The following HEATR5A variants were observed in gnomAD, a reference collection of about 807,000 sequenced individuals.
HEATR5A encodes the protein HEAT repeat-containing protein 5A.
HEATR5A carries 178 observed loss-of-function variants against 218.8 expected under a neutral mutation model. The ratio of observed to expected loss-of-function variants is 0.81; its 90% CI spans 0.72 to 0.92. The LOEUF is 0.92. HEATR5A is among the 40% of genes least tolerant of loss of function. HEATR5A has a pLI of 0.00. For missense variants in HEATR5A, 2,420 were observed against 2,418.9 expected, an observed-to-expected ratio of 1.00 and a Z score of -0.01; for synonymous variants, 864 against 871.6, an observed-to-expected ratio of 0.99 and a Z score of 0.15.
At chr14:31,384,053 T>C (rs965787725) in intron 9 of HEATR5A, among the ~76,000 whole-genome samples, 1 of 152,224 alleles carries the variant, frequency 6.6e-6, no homozygotes, top group Non-Finnish European at 1.5e-5. Context: ...AAAAACTTTA[T>C]TTCCTAAATA....
rs750549958 is a variant in HEATR5A, at chr14:31,391,385, C to T, written c.773-2380G>A. 3.1e-4 allele frequency among the ~76,000 whole-genome samples: 47 copies of T among 152,110 alleles called. 1 individual carries two copies. The highest frequency in any genetic ancestry group is 1.4e-3 in the Admixed American group (21 of 15,256). On this transcript the variant is annotated intron_variant, in intron 6 of 35. Coordinates refer to ENST00000543095, the MANE Select transcript of HEATR5A (RefSeq NM_015473.4). Reference sequence around the variant, plus strand: ...AACTCCTGACTTCAAGCAATCCATCCGCCTTGGCCTCCCAAAGTGCTGGGA... The same window carrying T: ...AACTCCTGACTTCAAGCAATCCATCTGCCTTGGCCTCCCAAAGTGCTGGGA...
intron 35 of HEATR5A, 137 bp downstream of exon 35, chr14:31,293,754 C>G: frequency 9.6e-7 from 1 of 1,039,722 alleles, no homozygotes; most frequent in East Asian, 2.6e-5. Context: ...TAAATAATAT[C>G]AATACTTGGG....
chr14:31,320,591 C>G, intron 25 of HEATR5A: 1 of 766,292 alleles, frequency 1.3e-6, no homozygotes, highest in Admixed American at 1.7e-5. Flanking sequence ...GGTACAACAG[C>G]AGATCAGAGC....
intron 34 of HEATR5A, among the ~76,000 whole-genome samples, chr14:31,294,652 C>T (rs1899119999): frequency 1.3e-5 from 2 of 152,146 alleles, no homozygotes; most frequent in African/African-American, 4.8e-5. Context: ...CTCAAGTGAT[C>T]CACCTGCCTT....
chr14:31,341,458 A>G (rs1188953255), intron 21 of HEATR5A, among the ~76,000 whole-genome samples: 1 of 152,104 alleles, frequency 6.6e-6, no homozygotes, highest in Non-Finnish European at 1.5e-5. Context: ...CAGTGGCGCA[A>G]TCATGGCTCA....
intron 19 of HEATR5A, among the ~76,000 whole-genome samples, chr14:31,346,758 T>G (rs570326669): frequency 6.6e-6 from 1 of 152,124 alleles, no homozygotes; most frequent in African/African-American, 2.4e-5. Flanking sequence ...TAGAGAGAGT[T>G]CGAAAGAAAA....
chr14:31,416,437 G>T (rs975687473), intron 1 of HEATR5A, among the ~76,000 whole-genome samples: 6 of 152,012 alleles, frequency 3.9e-5, no homozygotes, highest in African/African-American at 1.4e-4. Flanking sequence ...TTTTAAGATT[G>T]GCAAAAGTAT....
chr14:31,371,671 T>TA (rs996703243), intron 13 of HEATR5A, 139 bp downstream of exon 13: 347 of 427,182 alleles, frequency 8.1e-4, no homozygotes, highest in Middle Eastern at 1.8e-3. Context: ...GATCCTAGCC[T>TA]AAAAAAAAAT....
At chr14:31,365,711 C>T (rs952189661) in intron 13 of HEATR5A, among the ~76,000 whole-genome samples, 2 of 151,580 alleles carry the variant, frequency 1.3e-5, no homozygotes, top group African/African-American at 2.4e-5. Flanking sequence ...GTCGCCCAGG[C>T]TGGATTGTAG....
At chr14:31,405,041 G>C (rs893845057) in intron 1 of HEATR5A, among the ~76,000 whole-genome samples, 1 of 144,522 alleles carries the variant, frequency 6.9e-6, no homozygotes, top group African/African-American at 2.6e-5. Flanking sequence ...CTAGGTAACA[G>C]TGGGACACTG....
chr14:31,355,268 G>C (rs1186540718), intron 16 of HEATR5A, among the ~76,000 whole-genome samples: 1 of 151,984 alleles, frequency 6.6e-6, no homozygotes, highest in East Asian at 1.9e-4. Flanking sequence ...ATAAAAATTA[G>C]CCAGGCATGG....
At chr14:31,323,149 T>C (rs185495736) in intron 24 of HEATR5A, among the ~76,000 whole-genome samples, 1 of 152,312 alleles carries the variant, frequency 6.6e-6, no homozygotes, top group East Asian at 1.9e-4. Context: ...CTTAATGCAT[T>C]GCACCTGCTC....
At chr14:31,308,362 C>A (rs1329958447) in intron 29 of HEATR5A, among the ~76,000 whole-genome samples, 1 of 152,062 alleles carries the variant, frequency 6.6e-6, no homozygotes, top group Non-Finnish European at 1.5e-5. Context: ...ACAAAATTAG[C>A]TGGGCATGGT....
At position 31,400,308 on chromosome 14, in the gene HEATR5A, T is replaced by A. The variant is rs1189114521; in HGVS notation, c.331A>T (p.Thr111Ser). 6.5e-7 allele frequency: 1 copy of A among 1,529,868 alleles called. No homozygotes were observed. The highest frequency in any genetic ancestry group is 8.8e-7 in the Non-Finnish European group (1 of 1,141,712). 94.8% of individuals were successfully genotyped at this position (1,529,868 alleles called of 1,614,324 possible). A position where few individuals can be genotyped will look rare whatever the true frequency, so the allele number is the denominator to read the frequency against. ...SKDDSPSYLPTKLAAVVCLGS... is the reference protein window; with the variant it reads ...SKDDSPSYLPSKLAAVVCLGS... ...TTTTAATGTTTCACTTACAGCTTAG[T>A]GGGAAGATAACTTGGAGAATCATCT... The change falls in exon 3 of 36, where the codon ACT becomes TCT. Residue 111 changes from threonine (T) to serine (S), a missense_variant. By Grantham distance (58) the Thr-to-Ser change is moderately conservative. Transcript: ENST00000543095.
chr14:31,314,762 C>G (rs1899863358), intron 27 of HEATR5A, among the ~76,000 whole-genome samples: 1 of 152,048 alleles, frequency 6.6e-6, no homozygotes. Context: ...TAAATAATGA[C>G]AAAAATAAAG....
chr14:31,326,210 A>T lies in HEATR5A; in HGVS notation c.3500T>A (p.Leu1167His). The T allele has an allele frequency of 6.2e-7, 1 of 1,613,386 alleles. No individual in the cohort carries two copies. The highest frequency in any genetic ancestry group is 1.1e-5 in the South Asian group (1 of 91,076). The change falls in exon 23 of 36, where the codon CTC (leucine) becomes CAC (histidine). Residue 1167 changes from leucine (L) to histidine (H), a missense_variant. Transcript: ENST00000543095. Reference sequence around the variant, plus strand: ...TTTACAAAGCTTTAACCACAGGGAGAGTTTTTCCACTGCCATAGATGTAAG... The same window carrying T: ...TTTACAAAGCTTTAACCACAGGGAGTGTTTTTCCACTGCCATAGATGTAAG... ...YMLTSMAVEKLSLWLKLCKDV... is the reference protein window; with the variant it reads ...YMLTSMAVEKHSLWLKLCKDV...
At chr14:31,320,754 T>C in intron 25 of HEATR5A, 3 of 282,928 alleles carry the variant, frequency 1.1e-5, no homozygotes, top group South Asian at 5.9e-5. Context: ...AACAGGGCCA[T>C]TTTTTTTCCC....
chr14:31,356,001 G>A (rs1901413673), intron 16 of HEATR5A, among the ~76,000 whole-genome samples: 1 of 152,172 alleles, frequency 6.6e-6, no homozygotes, highest in Non-Finnish European at 1.5e-5. Flanking sequence ...TTCGGTTGCT[G>A]TTTAAATTTA....
chr14:31,388,929 C>T lies in HEATR5A; in HGVS notation c.849G>A (p.Gly283=). 1.2e-6 allele frequency: 2 copies of T among 1,613,672 alleles called. No homozygotes were observed. Among genetic ancestry groups the T allele is most frequent in the South Asian group, 2.2e-5 (2 of 91,078 alleles). ...LELLGTGFLR[G]SSGFLRASGD... is the part of the protein sequence containing the mutation. ...CACTGGCTCGAAGGAATCCTGAACT[C>T]CCACGTAGAAACCCTGTTCCTAGTA... The change falls in exon 7 of 36, where the codon GGG becomes GGA. Residue 283 remains glycine (G), a synonymous_variant. Transcript: ENST00000543095.
Sources: gnomAD v4.1 joint callset for allele counts (sites outside exome capture counted in the v4.1 genomes callset) on GRCh38, gnomAD v4.1.1 for gene constraint, MANE v1.5 for transcripts, NCBI Gene and HGNC (gene_info 2026-07-23, HGNC 2026-07-21) for gene names.